The following LARS2 variants were observed in gnomAD, a reference collection of about 807,000 sequenced individuals.
LARS2 encodes the protein leucine--tRNA ligase, mitochondrial.
Under a neutral mutation model 116.6 loss-of-function variants are expected in LARS2, and 81 were observed. The ratio of observed to expected loss-of-function variants is 0.69; its 90% CI spans 0.58 to 0.84. The LOEUF (loss-of-function observed/expected upper bound fraction) is 0.84. LARS2 is among the 40% of genes least tolerant of loss of function. The pLI, the probability that LARS2 is intolerant of heterozygous loss-of-function variation, is 0.00. For synonymous variants in LARS2, 396 were observed against 407.2 expected (o/e 0.97, Z 0.33); for missense variants, 968 against 1,114.5 (o/e 0.87, Z 1.87).
rs138437422 is a variant in LARS2 at position 45,400,348 on chromosome 3, G to A, written c.338G>A (p.Arg113Gln). 2.3e-4 allele frequency: 369 copies of A among 1,610,012 alleles called. 1 individual carries two copies. Among genetic ancestry groups the A allele is most frequent in the Middle Eastern group, 1.2e-3 (7 of 6,056 alleles). The change falls in exon 4 of 22, where the codon CGG becomes CAG. Residue 113 changes from arginine (R) to glutamine (Q), a missense_variant. Arg to Gln is a conservative substitution (Grantham distance 43). Transcript: ENST00000645846. ...RVYTISDTIA[R>Q]FQKMRGMQVI... is the part of the protein sequence containing the mutation. Reference sequence around the variant, plus strand: ...TACACCATCAGCGACACCATAGCACGGTTCCAGAAGATGAGAGGGATGCAG... The same window carrying A: ...TACACCATCAGCGACACCATAGCACAGTTCCAGAAGATGAGAGGGATGCAG...
At chr3:45,500,338 G>T (rs1700097689) in intron 14 of LARS2, 104 bp from the exon 15 acceptor site, 1 of 1,119,560 alleles carries the variant, frequency 8.9e-7, no homozygotes, top group Admixed American at 2.7e-5. Context: ...GTTATTCCCT[G>T]ATACGGTTCA....
At chr3:45,458,303 A>G (rs188016979) in intron 7 of LARS2, among the ~76,000 whole-genome samples, 56 of 152,250 alleles carry the variant, frequency 3.7e-4, no homozygotes, top group Admixed American at 8.5e-4. Context: ...ACAACTTGCA[A>G]GTGGTTTCTT....
intron 6 of LARS2, among the ~76,000 whole-genome samples, chr3:45,442,821 C>G (rs890039356): frequency 6.6e-6 from 1 of 152,094 alleles, no homozygotes; most frequent in Non-Finnish European, 1.5e-5. Flanking sequence ...TAGAATGGCC[C>G]CCAGAGAGTT....
At chr3:45,494,037 T>C (rs1170226616) in intron 13 of LARS2, among the ~76,000 whole-genome samples, 1 of 152,184 alleles carries the variant, frequency 6.6e-6, no homozygotes, top group Non-Finnish European at 1.5e-5. Flanking sequence ...GGCTTCAATT[T>C]AGAGGCGCAC....
At chr3:45,525,303 CT>C (rs1373344488) in intron 20 of LARS2, among the ~76,000 whole-genome samples, 10 of 152,146 alleles carry the variant, frequency 6.6e-5, no homozygotes. Flanking sequence ...GATTTTTATC[CT>C]TTTTGATATC....
chr3:45,457,803 G>A (rs533593384), intron 7 of LARS2, among the ~76,000 whole-genome samples: 1 of 152,208 alleles, frequency 6.6e-6, no homozygotes, highest in Non-Finnish European at 1.5e-5. Context: ...AGGCGTGAAT[G>A]TAGATGGCAG....
chr3:45,491,528 G>T lies in LARS2; in HGVS notation c.1251G>T (p.Met417Ile). 3 of 1,614,116 alleles carry T rather than the reference G, an allele frequency of 1.9e-6. No individual in the cohort carries two copies. In the South Asian group the frequency reaches 3.3e-5, roughly 18 times the overall value. ...RLSSSAEFTGMTRQDAFLALT... is the reference protein window; with the variant it reads ...RLSSSAEFTGITRQDAFLALT... ...TCTTTCCCTGTCAGTTCACAGGTAT[G>T]ACCCGGCAGGATGCTTTTCTAGCCC... The change falls in exon 13 of 22, where the codon ATG becomes ATT. Residue 417 changes from methionine to isoleucine, a missense_variant. Coordinates refer to ENST00000645846, the MANE Select transcript of LARS2 (RefSeq NM_015340.4).
intron 8 of LARS2, among the ~76,000 whole-genome samples, chr3:45,463,357 G>A (rs750817427): frequency 6.6e-6 from 1 of 152,188 alleles, no homozygotes; most frequent in Non-Finnish European, 1.5e-5. Flanking sequence ...ATGCCTTCAT[G>A]GTGCTTAGTC....
At chr3:45,493,031 G>T (rs564035447) in intron 13 of LARS2, among the ~76,000 whole-genome samples, 2 of 152,124 alleles carry the variant, frequency 1.3e-5, no homozygotes, top group Non-Finnish European at 2.9e-5. Context: ...TGAGGATAAG[G>T]TTTCCTGCTT....
At chr3:45,408,256 G>T (rs1271993275) in intron 4 of LARS2, among the ~76,000 whole-genome samples, 1 of 152,242 alleles carries the variant, frequency 6.6e-6, no homozygotes, top group South Asian at 2.1e-4. Flanking sequence ...CAGGGCAGGG[G>T]TGGGCAGAAG....
chr3:45,396,274 G>C (rs1474197464), intron 3 of LARS2, among the ~76,000 whole-genome samples: 1 of 152,266 alleles, frequency 6.6e-6, no homozygotes, highest in African/African-American at 2.4e-5. Context: ...TGAGCACTCA[G>C]TGAGTGAGCC....
intron 15 of LARS2, among the ~76,000 whole-genome samples, chr3:45,502,663 G>T (rs920534300): frequency 2.6e-5 from 4 of 152,030 alleles, no homozygotes; most frequent in Non-Finnish European, 5.9e-5. Flanking sequence ...CGCCTGCCTC[G>T]GCCTCCCGAA....
intron 19 of LARS2, among the ~76,000 whole-genome samples, chr3:45,521,318 AAAAAT>A (rs1237625553): frequency 1.4e-4 from 21 of 152,178 alleles, no homozygotes; most frequent in African/African-American, 5.1e-4. Context: ...AACAAAGTAA[AAAAAT>A]AAAATAATTA....
intron 20 of LARS2, among the ~76,000 whole-genome samples, chr3:45,530,190 CTTGT>C (rs1412463315): frequency 2.0e-5 from 3 of 151,980 alleles, no homozygotes; most frequent in East Asian, 1.9e-4. Context: ...TGTTTGTTTG[CTTGT>C]TTGTTTTTGT....
intron 15 of LARS2, among the ~76,000 whole-genome samples, chr3:45,508,237 C>T (rs996817068): frequency 1.8e-4 from 27 of 152,004 alleles, no homozygotes; most frequent in African/African-American, 5.6e-4. Flanking sequence ...AAGGGCAGGC[C>T]GCCTGCTGAC....
intron 5 of LARS2, among the ~76,000 whole-genome samples, chr3:45,418,493 A>G (rs1698465898): frequency 6.6e-6 from 1 of 152,234 alleles, no homozygotes; most frequent in Non-Finnish European, 1.5e-5. Context: ...TGATTCAAAT[A>G]AAGTGGATCA....
intron 3 of LARS2, among the ~76,000 whole-genome samples, chr3:45,399,275 A>G (rs854194): frequency 0.1 from 15,273 of 152,238 alleles, 2,499 homozygotes; most frequent in African/African-American, 0.35. Context: ...TCCTGTTATT[A>G]CTGCTAAACC....
intron 15 of LARS2, among the ~76,000 whole-genome samples, chr3:45,511,981 G>A (rs1700298916): frequency 6.6e-6 from 1 of 151,866 alleles, no homozygotes; most frequent in African/African-American, 2.4e-5. Flanking sequence ...TCACCATGTT[G>A]CCCAGGCCAG....
At position 45,436,346 on chromosome 3, in the gene LARS2, CA is replaced by C. The variant is rs573510833; in HGVS notation, c.517-10532del. ...TAGATTAAATTAATGTTCTTTCTTT[CA>C]AAAAAAAAAAAACAAAAACAGGGAA... is the stretch of plus-strand genomic sequence containing the variant. On this transcript the variant is annotated intron_variant, in intron 6 of 21. Coordinates refer to ENST00000645846, the MANE Select transcript of LARS2 (RefSeq NM_015340.4). Among the ~76,000 whole-genome samples the C allele has an allele frequency of 5.6e-3, 754 of 134,382 alleles. 6 individuals are homozygous for C. The highest frequency in any genetic ancestry group is 0.016 in the African/African-American group (585 of 36,606). The allele number at this position is 134,382 out of a possible 152,430, so 88.2% of individuals were successfully genotyped here. A position where few individuals can be genotyped will look rare whatever the true frequency, so the allele number is the denominator to read the frequency against.
Sources: allele counts gnomAD v4.1 joint callset (sites outside exome capture counted in the v4.1 genomes callset), GRCh38; gene constraint gnomAD v4.1.1; transcripts MANE v1.5; gene names NCBI Gene and HGNC (gene_info 2026-07-23, HGNC 2026-07-21).